The following SOX6 variants were observed in gnomAD, a reference collection of about 807,000 sequenced individuals.
The protein encoded by SOX6 is SRY-box transcription factor 6.
SOX6 carries 11 observed loss-of-function variants against 97.8 expected under a neutral mutation model. That is an observed-to-expected ratio of 0.11 (90% CI 0.07 to 0.19). The LOEUF (loss-of-function observed/expected upper bound fraction) is 0.19, where lower values mean the gene tolerates loss of function less well. SOX6 is among the 10% of genes least tolerant of loss of function. SOX6 has a pLI of 1.00. For missense variants in SOX6, 810 were observed against 1,039.5 expected (o/e 0.78, Z 3.04); for synonymous variants, 360 against 371.4 (o/e 0.97, Z 0.35).
intron 1 of SOX6, among the ~76,000 whole-genome samples, chr11:16,345,568 G>A (rs1422998627): frequency 6.6e-6 from 1 of 152,056 alleles, no homozygotes; most frequent in Non-Finnish European, 1.5e-5. Context: ...AAGTCTGAAT[G>A]TTTGGCCTAC....
At chr11:15,976,800 T>C (rs1047983390) in intron 15 of SOX6, among the ~76,000 whole-genome samples, 2 of 152,122 alleles carry the variant, frequency 1.3e-5, no homozygotes, top group African/African-American at 4.8e-5. Flanking sequence ...CCTAACTCCC[T>C]CCTTTCTCTA....
intron 2 of SOX6, among the ~76,000 whole-genome samples, chr11:16,716,560 C>CT (rs1323878955): frequency 6.6e-6 from 1 of 152,024 alleles, no homozygotes; most frequent in Admixed American, 6.6e-5. Context: ...TTTGGAAAAC[C>CT]TTTTGGCATT....
intron 3 of SOX6, among the ~76,000 whole-genome samples, chr11:16,291,054 A>G (rs1400336647): frequency 6.6e-6 from 1 of 151,922 alleles, no homozygotes; most frequent in Non-Finnish European, 1.5e-5. Context: ...AGGTTTTCCT[A>G]TAAGCAGTGC....
chr11:16,632,986 A>C (rs1245775057), intron 3 of SOX6, among the ~76,000 whole-genome samples: 2 of 152,120 alleles, frequency 1.3e-5, no homozygotes, highest in Non-Finnish European at 2.9e-5. Context: ...TGTTGATCCA[A>C]GTGAGCTGGT....
In SOX6 at chr11:16,318,540, A is replaced by G; in HGVS notation, c.351T>C (p.Phe117=). 1 of 1,613,750 alleles carries G rather than the reference A, an allele frequency of 6.2e-7. No homozygotes were observed. Among genetic ancestry groups the G allele is most frequent in the African/African-American group, 1.3e-5 (1 of 74,976 alleles). Residue 117 remains phenylalanine (F), a synonymous_variant, in exon 3 of 16, where the codon TTT becomes TTC. Transcript: ENST00000683767. The part of the protein sequence containing the change: ...RDREIMTSVT[F]GTPERRKGSL... ...TCCCTTTGCGGCGCTCTGGGGTTCC[A>G]AAAGTAACACTGGTCATTATCTCAC...
chr11:16,733,675 A>G (rs1383338914), intron 2 of SOX6, among the ~76,000 whole-genome samples: 1 of 147,702 alleles, frequency 6.8e-6, no homozygotes, highest in African/African-American at 2.5e-5. Flanking sequence ...GTATATACCT[A>G]TGTAACAAAC....
At chr11:16,236,909 G>A (rs183465579) in intron 3 of SOX6, among the ~76,000 whole-genome samples, 118 of 151,952 alleles carry the variant, frequency 7.8e-4, no homozygotes, top group African/African-American at 2.6e-3. Context: ...AAAGCGTTTC[G>A]CATTCCTATT....
intron 12 of SOX6, among the ~76,000 whole-genome samples, chr11:16,044,036 C>A (rs916978467): frequency 7.9e-5 from 12 of 152,150 alleles, no homozygotes; most frequent in Non-Finnish European, 1.8e-4. Flanking sequence ...TCCCTCTGCA[C>A]AGTCCTGGGT....
intron 4 of SOX6, among the ~76,000 whole-genome samples, chr11:16,530,484 C>T (rs1861224145): frequency 6.6e-6 from 1 of 151,934 alleles, no homozygotes; most frequent in South Asian, 2.1e-4. Context: ...GCTCAAGCCA[C>T]AGTATGAAAA....
intron 3 of SOX6, among the ~76,000 whole-genome samples, chr11:16,243,424 CATA>C (rs1235597032): frequency 6.6e-6 from 1 of 151,754 alleles, no homozygotes; most frequent in Non-Finnish European, 1.5e-5. Flanking sequence ...GAGCTCTGCA[CATA>C]ATAAGTGCTA....
intron 9 of SOX6, among the ~76,000 whole-genome samples, chr11:16,067,956 C>T (rs146301260): frequency 1.3e-5 from 2 of 152,216 alleles, no homozygotes; most frequent in African/African-American, 4.8e-5. Flanking sequence ...TATCTCTTAC[C>T]CTTATATTTA....
At chr11:15,982,289 C>T (rs1590106796) in intron 15 of SOX6, among the ~76,000 whole-genome samples, 2 of 152,134 alleles carry the variant, frequency 1.3e-5, no homozygotes, top group East Asian at 1.9e-4. Context: ...CTGAATATTG[C>T]ATTTTTCAAT....
At chr11:16,434,660 C>A (rs149716251) in intron 1 of SOX6, among the ~76,000 whole-genome samples, 2 of 152,246 alleles carry the variant, frequency 1.3e-5, no homozygotes, top group East Asian at 3.9e-4. Flanking sequence ...AGGCCCTTTT[C>A]TATTTGATTT....
At chr11:16,728,094 G>A (rs536443103) in intron 2 of SOX6, among the ~76,000 whole-genome samples, 2 of 152,276 alleles carry the variant, frequency 1.3e-5, no homozygotes, top group South Asian at 2.1e-4. Flanking sequence ...CCAGTGAGGG[G>A]CTTATAGATA....
At chr11:15,992,399 C>G (rs555030728) in intron 13 of SOX6, among the ~76,000 whole-genome samples, 2 of 152,268 alleles carry the variant, frequency 1.3e-5, no homozygotes, top group African/African-American at 4.8e-5. Context: ...TTTGCAAAAT[C>G]AAAACTTGGA....
At chr11:16,103,653 T>TG (rs1849004660) in intron 7 of SOX6, among the ~76,000 whole-genome samples, 1 of 151,688 alleles carries the variant, frequency 6.6e-6, no homozygotes, top group Non-Finnish European at 1.5e-5. Flanking sequence ...ATAAAGAAAA[T>TG]GTGGTATATA....
chr11:16,734,669 C>T (rs1032759416), intron 2 of SOX6, among the ~76,000 whole-genome samples: 8 of 152,164 alleles, frequency 5.3e-5, no homozygotes, highest in Non-Finnish European at 7.4e-5. Flanking sequence ...CCTACTAATA[C>T]TTTAACATGT....
At chr11:16,277,333 G>T (rs759943394) in intron 3 of SOX6, among the ~76,000 whole-genome samples, 8 of 152,090 alleles carry the variant, frequency 5.3e-5, no homozygotes, top group Non-Finnish European at 1.2e-4. Context: ...ATGTGAGGAT[G>T]CCAGGATGCA....
upstream of SOX6, among the ~76,000 whole-genome samples, chr11:16,357,391 G>A (rs1857102216): frequency 6.6e-6 from 1 of 152,072 alleles, no homozygotes; most frequent in Non-Finnish European, 1.5e-5. Context: ...TAAGGAAGAG[G>A]GGCCCAGAGC....
Sources: allele counts gnomAD v4.1 joint callset (sites outside exome capture counted in the v4.1 genomes callset), GRCh38; gene constraint gnomAD v4.1.1; transcripts MANE v1.5; gene names NCBI Gene and HGNC (gene_info 2026-07-23, HGNC 2026-07-21).